The following CLN8 variants were observed in gnomAD, a reference collection of about 807,000 sequenced individuals.
The protein encoded by CLN8 is protein CLN8.
Under a neutral mutation model 15.7 loss-of-function variants are expected in CLN8, and 14 were observed. That is an observed-to-expected ratio of 0.89 (90% CI 0.59 to 1.39). CLN8 has a LOEUF of 1.39. Ranked by LOEUF, CLN8 falls within the 40% of genes most tolerant of loss-of-function variation. CLN8 has a pLI of 0.00. For synonymous variants in CLN8, 188 were observed against 151.0 expected, an observed-to-expected ratio of 1.25 and a Z score of -1.80; for missense variants, 415 against 364.0, an observed-to-expected ratio of 1.14 and a Z score of -1.14.
intron 1 of CLN8, among the ~76,000 whole-genome samples, chr8:1,756,946 G>A (rs1215840526): frequency 6.6e-6 from 1 of 152,092 alleles, no homozygotes; most frequent in Admixed American, 6.5e-5. Context: ...GCATCCCAAA[G>A]TGCTGGGATT....
At chr8:1,766,004 AG>A (rs1185869544) in intron 1 of CLN8, among the ~76,000 whole-genome samples, 1 of 152,212 alleles carries the variant, frequency 6.6e-6, no homozygotes, top group African/African-American at 2.4e-5. Context: ...ATAGCAGTTT[AG>A]CCCCCATAAA....
Position 1,771,358 on chromosome 8 carries a change from T to A in CLN8, c.304T>A (p.Trp102Arg). Residue 102 changes from tryptophan to arginine, a missense_variant, in exon 2 of 3, where the codon TGG (tryptophan) becomes AGG (arginine). Transcript: ENST00000331222. ...HADKARGQQNWCWFHITTATG... is the reference protein window; with the variant it reads ...HADKARGQQNRCWFHITTATG... ...CGACAAGGCGCGTGGCCAGCAGAACTGGTGCTGGTTTCACATCACGACAGC... is the reference window on the plus strand; with the variant it reads ...CGACAAGGCGCGTGGCCAGCAGAACAGGTGCTGGTTTCACATCACGACAGC... 1 of 1,614,244 alleles carries A rather than the reference T, an allele frequency of 6.2e-7. No homozygotes were observed. Among genetic ancestry groups the A allele is most frequent in the South Asian group, 1.1e-5 (1 of 91,084 alleles).
At chr8:1,758,980 A>G (rs1244421556), upstream of CLN8, 1 of 152,218 alleles carries the variant, frequency 6.6e-6, no homozygotes, top group Non-Finnish European at 1.5e-5. Flanking sequence ...GGCCCCTTCA[A>G]AATATGTCAA....
upstream of CLN8, among the ~76,000 whole-genome samples, chr8:1,753,742 C>T (rs1260068325): frequency 4.0e-5 from 6 of 151,100 alleles, no homozygotes; most frequent in East Asian, 2.0e-4. Context: ...AAAAATTAGC[C>T]GGCTGTGGTT....
In CLN8 at chr8:1,783,689, C is replaced by T. The variant is rs10089616; in HGVS notation, c.*3122C>T. On this transcript the variant is annotated 3_prime_UTR_variant, in exon 3 of 3. Coordinates refer to ENST00000331222, the MANE Select transcript of CLN8 (RefSeq NM_018941.4). Reference sequence around the variant, plus strand: ...TGGGTGATGCTGGAGTTGTCATGGCCGCAGTTCAGTGTGAGATTTTTTACC... The same window carrying T: ...TGGGTGATGCTGGAGTTGTCATGGCTGCAGTTCAGTGTGAGATTTTTTACC... 0.19 allele frequency: 29,545 copies of T among 152,002 alleles called. 3,795 individuals are homozygous for T. Among genetic ancestry groups the T allele is most frequent in the Middle Eastern group, 0.35 (104 of 294 alleles). The allele number at this position is 152,002 out of a possible 1,614,324, so 9.4% of individuals were successfully genotyped here.
At chr8:1,757,045 T>C (rs1800687566) in intron 1 of CLN8, among the ~76,000 whole-genome samples, 1 of 152,170 alleles carries the variant, frequency 6.6e-6, no homozygotes, top group African/African-American at 2.4e-5. Flanking sequence ...CCATTTGATA[T>C]CATTCCAAGA....
intron 1 of CLN8, among the ~76,000 whole-genome samples, chr8:1,768,580 A>C (rs1801159332): frequency 6.6e-6 from 1 of 152,220 alleles, no homozygotes; most frequent in Non-Finnish European, 1.5e-5. Flanking sequence ...TACAGGGAGA[A>C]GTTTTACGAG....
chr8:1,763,723 A>T (rs1420558072), upstream of CLN8: 1 of 119,128 alleles, frequency 8.4e-6, no homozygotes, highest in Non-Finnish European at 1.8e-5. Flanking sequence ...CGACGCCCCC[A>T]GGGGGGCAGA....
chr8:1,782,844 C>G lies in CLN8; in HGVS notation c.*2277C>G, dbSNP rs887669869. On this transcript the variant is annotated 3_prime_UTR_variant, in exon 3 of 3. Transcript: ENST00000331222. ...TGGAAGTGGACAGCCTAATTTTTAT[C>G]TCACCTCCACTAGGACTTTGACCTT... 6.6e-6 allele frequency: 1 copy of G among 152,198 alleles called. No homozygotes were observed. Among genetic ancestry groups the G allele is most frequent in the African/African-American group, 2.4e-5 (1 of 41,454 alleles). The allele number at this position is 152,198 out of a possible 1,614,324, so 9.4% of individuals were successfully genotyped here.
intron 1 of CLN8, among the ~76,000 whole-genome samples, chr8:1,767,694 C>G (rs981105334): frequency 4.0e-5 from 6 of 151,282 alleles, no homozygotes; most frequent in African/African-American, 1.5e-4. Flanking sequence ...GCCTCAGCCT[C>G]CCAAGTAGCT....
At chr8:1,754,975 A>G (rs1800634574), upstream of CLN8, among the ~76,000 whole-genome samples, 1 of 152,220 alleles carries the variant, frequency 6.6e-6, no homozygotes, top group South Asian at 2.1e-4. Flanking sequence ...CCCTTCCGTG[A>G]CAGTGCTGCT....
At chr8:1,775,227 T>C (rs1012214144) in intron 2 of CLN8, among the ~76,000 whole-genome samples, 2 of 152,168 alleles carry the variant, frequency 1.3e-5, no homozygotes, top group Non-Finnish European at 2.9e-5. Flanking sequence ...ATAAGTAATC[T>C]ACAGATGATT....
chr8:1,760,880 C>T (rs568495137), upstream of CLN8, among the ~76,000 whole-genome samples: 46 of 152,228 alleles, frequency 3.0e-4, no homozygotes, highest in Admixed American at 1.7e-3. Flanking sequence ...CATCTTGTAT[C>T]AATGTAAAAG....
chr8:1,774,958 G>A (rs1327463589), intron 2 of CLN8, among the ~76,000 whole-genome samples: 1 of 152,136 alleles, frequency 6.6e-6, no homozygotes, highest in Non-Finnish European at 1.5e-5. Context: ...TCCAGCCTGG[G>A]CAAGAGTGAG....
upstream of CLN8, among the ~76,000 whole-genome samples, chr8:1,761,012 C>CTTTTTTT (rs61327257): frequency 8.9e-5 from 6 of 67,608 alleles, no homozygotes; most frequent in East Asian, 4.7e-4. Context: ...CTATAGCCAT[C>CTTTTTTT]TTTTTTTTTT....
intron 1 of CLN8, among the ~76,000 whole-genome samples, chr8:1,766,439 G>A (rs1801059999): frequency 6.9e-6 from 1 of 145,038 alleles, no homozygotes; most frequent in South Asian, 2.2e-4. Context: ...ACCCAGGCTG[G>A]AGTGCAGTGG....
chr8:1,780,590 G>T lies in CLN8; in HGVS notation c.*23G>T, dbSNP rs1353165766. On this transcript the variant is annotated 3_prime_UTR_variant, in exon 3 of 3. Coordinates refer to ENST00000331222, the MANE Select transcript of CLN8 (RefSeq NM_018941.4). ...TAGCTGCTCCAGCCGGGGCTCCGGG[G>T]CGGCAGCAGAGCTGGCACACCGATT... is the stretch of plus-strand genomic sequence containing the variant. 6.2e-7 allele frequency: 1 copy of T among 1,610,004 alleles called. No homozygotes were observed. The highest frequency in any genetic ancestry group is 1.7e-5 in the Admixed American group (1 of 59,978).
upstream of CLN8, chr8:1,759,274 A>G (rs1407423989): frequency 6.6e-6 from 1 of 152,246 alleles, no homozygotes; most frequent in Non-Finnish European, 1.5e-5. Context: ...GCGGGGGACT[A>G]GAATTTTATT....
chr8:1,771,107 A>C lies in CLN8; in HGVS notation c.53A>C (p.Tyr18Ser). The C allele has an allele frequency of 6.2e-7, 1 of 1,613,922 alleles. No homozygotes were observed. The highest frequency in any genetic ancestry group is 8.5e-7 in the Non-Finnish European group (1 of 1,179,996). ...TCAGAGAGCATTTTTGACCTGGACT[A>C]TGCATCCTGGGGGATCCGCTCCACG... The part of the protein sequence containing the change: ...GTSESIFDLD[Y>S]ASWGIRSTLM... Residue 18 changes from tyrosine to serine, a missense_variant, in exon 2 of 3, where the codon TAT (tyrosine) becomes TCT (serine). Transcript: ENST00000331222.
Sources: gnomAD v4.1 joint callset for allele counts (sites outside exome capture counted in the v4.1 genomes callset) on GRCh38, gnomAD v4.1.1 for gene constraint, MANE v1.5 for transcripts, NCBI Gene and HGNC (gene_info 2026-07-23, HGNC 2026-07-21) for gene names.